Variants in CHST9 observed in about 807,000 individuals in gnomAD.
CHST9 encodes carbohydrate sulfotransferase 9, also known as GalNAc-4-sulfotransferase 2.
CHST9 carries 41 observed loss-of-function variants against 44.4 expected under a neutral mutation model. That is an observed-to-expected ratio of 0.92 (90% CI 0.72 to 1.20). CHST9 has a LOEUF of 1.20. Among genes scored for constraint, CHST9 ranks in the 50% most tolerant of loss-of-function variants. The pLI is 0.00. For missense variants in CHST9, 504 were observed against 516.5 expected (o/e 0.98, Z 0.23); for synonymous variants, 171 against 178.4 (o/e 0.96, Z 0.33).
intron 4 of CHST9, among the ~76,000 whole-genome samples, chr18:26,982,760 TGG>T (rs2056708037): frequency 6.6e-6 from 1 of 152,350 alleles, no homozygotes. Context: ...TTCCACATGA[TGG>T]TCCTTCAAGT....
At chr18:27,014,489 A>G (rs1300279873) in intron 4 of CHST9, among the ~76,000 whole-genome samples, 1 of 124,748 alleles carries the variant, frequency 8.0e-6, no homozygotes, top group East Asian at 2.3e-4. Flanking sequence ...AAAAAAAAAA[A>G]AAAAGAATTA....
chr18:27,086,617 G>C (rs1367432139), intron 2 of CHST9, among the ~76,000 whole-genome samples: 1 of 152,142 alleles, frequency 6.6e-6, no homozygotes, highest in Non-Finnish European at 1.5e-5. Flanking sequence ...ACTAGGACTT[G>C]AATCTAGCTT....
intron 3 of CHST9, 28 bp from the exon 4 acceptor site, chr18:27,024,185 A>G (rs2057258038): frequency 4.4e-6 from 7 of 1,597,086 alleles, no homozygotes; most frequent in Admixed American, 1.7e-5. Flanking sequence ...AGAAATTCAT[A>G]TATTACCATC....
At chr18:27,177,273 TA>T (rs1258319541) in intron 1 of CHST9, among the ~76,000 whole-genome samples, 10 of 151,934 alleles carry the variant, frequency 6.6e-5, no homozygotes, top group Non-Finnish European at 1.0e-4. Context: ...AAGAATCCTG[TA>T]AAAAACTAAA....
intron 2 of CHST9, among the ~76,000 whole-genome samples, chr18:27,092,422 G>A (rs1598717877): frequency 6.6e-6 from 1 of 151,554 alleles, no homozygotes; most frequent in African/African-American, 2.4e-5. Context: ...TTTTTTTGAA[G>A]AGTTGTTTGT....
At chr18:27,024,330 G>C (rs778316227) in intron 3 of CHST9, among the ~76,000 whole-genome samples, 173 bp from the exon 4 acceptor site, 1 of 152,154 alleles carries the variant, frequency 6.6e-6, no homozygotes, top group Non-Finnish European at 1.5e-5. Context: ...TTTCTGGCCT[G>C]ATTAAGCTTG....
intron 2 of CHST9, among the ~76,000 whole-genome samples, chr18:27,101,242 G>A (rs2058167913): frequency 1.3e-5 from 2 of 152,134 alleles, no homozygotes; most frequent in Non-Finnish European, 2.9e-5. Context: ...CATATGCACA[G>A]AGGTAAAAAA....
intron 5 of CHST9, among the ~76,000 whole-genome samples, chr18:26,928,072 C>T (rs1270948038): frequency 6.6e-6 from 1 of 152,122 alleles, no homozygotes; most frequent in Non-Finnish European, 1.5e-5. Context: ...AACGTTGAGT[C>T]GACACAGCAC....
intron 4 of CHST9, among the ~76,000 whole-genome samples, chr18:27,022,338 C>T (rs905144343): frequency 2.6e-5 from 4 of 152,116 alleles, no homozygotes; most frequent in African/African-American, 9.7e-5. Context: ...TTTCCCCACT[C>T]ATCCTTTTCT....
At chr18:26,931,194 T>G (rs960530330) in intron 5 of CHST9, among the ~76,000 whole-genome samples, 1 of 152,206 alleles carries the variant, frequency 6.6e-6, no homozygotes, top group Non-Finnish European at 1.5e-5. Flanking sequence ...CCTTAGATGC[T>G]GTATCATTAC....
intron 5 of CHST9, among the ~76,000 whole-genome samples, chr18:26,938,210 T>C (rs560179028): frequency 6.6e-6 from 1 of 152,194 alleles, no homozygotes; most frequent in Admixed American, 6.5e-5. Flanking sequence ...TGGCTTCCAA[T>C]TAAAGAGGCA....
At chr18:27,075,824 T>C (rs1416474959) in intron 2 of CHST9, among the ~76,000 whole-genome samples, 1 of 152,088 alleles carries the variant, frequency 6.6e-6, no homozygotes, top group Non-Finnish European at 1.5e-5. Context: ...ATCTGCCAGA[T>C]TTAGGGATAT....
At chr18:27,111,800 C>G (rs868832112) in intron 2 of CHST9, among the ~76,000 whole-genome samples, 1 of 152,182 alleles carries the variant, frequency 6.6e-6, no homozygotes, top group Non-Finnish European at 1.5e-5. Flanking sequence ...TCACCTAATT[C>G]AGTGAGGGCC....
At chr18:27,076,842 A>G (rs773180325) in intron 2 of CHST9, among the ~76,000 whole-genome samples, 3 of 152,202 alleles carry the variant, frequency 2.0e-5, no homozygotes, top group Non-Finnish European at 4.4e-5. Flanking sequence ...TGGGAAAAGG[A>G]GACGAGGCTA....
At chr18:27,086,223 C>T (rs1255466039) in intron 2 of CHST9, among the ~76,000 whole-genome samples, 1 of 152,112 alleles carries the variant, frequency 6.6e-6, no homozygotes, top group East Asian at 1.9e-4. Flanking sequence ...ATGACACACA[C>T]CCATGTAACA....
intron 5 of CHST9, among the ~76,000 whole-genome samples, chr18:26,938,625 G>A (rs2056035670): frequency 6.6e-6 from 1 of 152,190 alleles, no homozygotes; most frequent in Non-Finnish European, 1.5e-5. Context: ...AGTCATCAGT[G>A]AGTGGCACTG....
chr18:26,959,753 C>A (rs2056375335), intron 4 of CHST9, among the ~76,000 whole-genome samples: 1 of 152,106 alleles, frequency 6.6e-6, no homozygotes, highest in Non-Finnish European at 1.5e-5. Flanking sequence ...ACGGAGGACT[C>A]TAGATACTTA....
In CHST9 at chr18:27,018,821, C is replaced by G. The variant is rs2057185510; in HGVS notation, c.202+5295G>C. On this transcript the variant is annotated intron_variant, in intron 4 of 5. Coordinates refer to ENST00000618847, the MANE Select transcript of CHST9 (RefSeq NM_031422.6). ...TCAGGCTGACGGTGGGAAACATGCC[C>G]CCAGGCAAGCAGGAGAGAGAGCAGG... is the stretch of plus-strand genomic sequence containing the variant. 2.0e-5 allele frequency among the ~76,000 whole-genome samples: 3 copies of G among 152,038 alleles called. No individual in the cohort carries two copies. In the South Asian group the frequency reaches 6.2e-4, roughly 32 times the overall value.
chr18:27,083,916 A>T (rs991865635), intron 2 of CHST9, among the ~76,000 whole-genome samples: 6 of 152,030 alleles, frequency 3.9e-5, no homozygotes, highest in African/African-American at 1.4e-4. Context: ...CTGTGGTTTT[A>T]GTTCTGTTTG....
Sources: gnomAD v4.1 joint callset for allele counts (sites outside exome capture counted in the v4.1 genomes callset) on GRCh38, gnomAD v4.1.1 for gene constraint, MANE v1.5 for transcripts, NCBI Gene and HGNC (gene_info 2026-07-23, HGNC 2026-07-21) for gene names.